Variants in CD163 observed in about 807,000 individuals in gnomAD.
CD163 encodes CD163 molecule.
A neutral mutation model predicts 129.2 loss-of-function variants in CD163; 64 were observed. The observed-to-expected ratio is 0.50, with a 90% CI of 0.41 to 0.61. CD163 has a LOEUF of 0.61. CD163 is among the 20% of genes least tolerant of loss of function. The pLI is 0.00. For missense variants in CD163, 1,061 were observed against 1,377.9 expected (o/e 0.77, Z 3.64); for synonymous variants, 446 against 478.5 (o/e 0.93, Z 0.89).
In CD163 at chr12:7,502,459, A is replaced by G. The variant is rs1949504508; in HGVS notation, c.133+19T>C. On this transcript the variant is annotated intron_variant, in intron 2 of 16. Coordinates refer to ENST00000432237, the MANE Select transcript of CD163 (RefSeq NM_203416.4). The stretch of plus-strand genomic sequence containing the variant: ...TCAGAGTGGGCTAAGGCTGTAAGTA[A>G]ATTTGACAAAGTACTCACCAAGAGA... 6 of 1,515,952 alleles carry G rather than the reference A, an allele frequency of 4.0e-6. No homozygotes were observed. Among genetic ancestry groups the G allele is most frequent in the Non-Finnish European group, 5.5e-6 (6 of 1,089,914 alleles). The allele number at this position is 1,515,952 out of a possible 1,614,324, so 93.9% of individuals were successfully genotyped here.
intron 6 of CD163, among the ~76,000 whole-genome samples, chr12:7,489,024 T>C (rs1157769825): frequency 6.6e-6 from 1 of 152,212 alleles, no homozygotes; most frequent in East Asian, 1.9e-4. Flanking sequence ...TAGGAGATAA[T>C]TGTTAATATC....
At chr12:7,499,714 G>A (rs921243050) in intron 3 of CD163, among the ~76,000 whole-genome samples, 16 of 152,118 alleles carry the variant, frequency 1.1e-4, no homozygotes, top group African/African-American at 3.9e-4. Flanking sequence ...TGCAGTAGAT[G>A]TTACTTTTGT....
chr12:7,486,458 T>G (rs76573683), intron 10 of CD163, 41 bp downstream of exon 10: 84,533 of 1,559,138 alleles, frequency 0.054, 2,613 homozygotes, highest in African/African-American at 0.085. Flanking sequence ...CTCAGTCCTT[T>G]CTCTATGTAA....
chr12:7,498,284 G>A (rs974671077), intron 4 of CD163, among the ~76,000 whole-genome samples: 3 of 151,912 alleles, frequency 2.0e-5, no homozygotes, highest in Non-Finnish European at 2.9e-5. Context: ...AACGAAGAGT[G>A]GTATCTCTGC....
At chr12:7,489,667 T>C (rs1329578067) in intron 6 of CD163, among the ~76,000 whole-genome samples, 1 of 152,088 alleles carries the variant, frequency 6.6e-6, no homozygotes, top group African/African-American at 2.4e-5. Flanking sequence ...TCATATTAGC[T>C]AACATGTATT....
Position 7,493,711 on chromosome 12 carries a change from A to C in CD163, c.1420+1370T>G, listed in dbSNP as rs867003352. Among the ~76,000 whole-genome samples, 28 of 152,310 alleles carry C rather than the reference A, an allele frequency of 1.8e-4. No homozygotes were observed. In the Middle Eastern group the frequency reaches 0.014, roughly 74 times the overall value. Reference sequence around the variant, plus strand: ...GAAATAAAACTTAAGATTCAACTCAAGAAGTTGGGGGCCAAAAAGAAATCA... The same window carrying C: ...GAAATAAAACTTAAGATTCAACTCACGAAGTTGGGGGCCAAAAAGAAATCA... On this transcript the variant is annotated intron_variant, in intron 6 of 16. Transcript: ENST00000432237.
At chr12:7,475,594 T>C (rs1949076475) in intron 16 of CD163, among the ~76,000 whole-genome samples, 1 of 152,128 alleles carries the variant, frequency 6.6e-6, no homozygotes, top group African/African-American at 2.4e-5. Flanking sequence ...TATCTCAAAA[T>C]AATAAGAGCT....
chr12:7,482,886 G>A lies in CD163; in HGVS notation c.3127+80C>T, dbSNP rs371222593. On this transcript the variant is annotated intron_variant, in intron 13 of 16. Coordinates refer to ENST00000432237, the MANE Select transcript of CD163 (RefSeq NM_203416.4). ...GAGGTAAATATCAAATCCTCAGAAC[G>A]TCTGACCTAAAATTTCTAAACAAGA... The A allele has an allele frequency of 9.2e-5, 146 of 1,583,808 alleles. 2 individuals are homozygous for A. The highest frequency in any genetic ancestry group is 3.8e-4 in the South Asian group (34 of 88,438).
At chr12:7,480,035 C>A in intron 15 of CD163, 122 bp from the exon 16 acceptor site, 6 of 1,588,772 alleles carry the variant, frequency 3.8e-6, no homozygotes, top group Non-Finnish European at 5.1e-6. Context: ...ATAAACCAGA[C>A]CTCTTCTCAC....
chr12:7,494,121 T>C (rs765678946), intron 6 of CD163, among the ~76,000 whole-genome samples: 3 of 152,204 alleles, frequency 2.0e-5, no homozygotes, highest in Non-Finnish European at 4.4e-5. Flanking sequence ...ACATGAAATA[T>C]CTCAAATAAT....
chr12:7,488,109 A>G (rs1221318211), intron 6 of CD163, 22 bp from the exon 7 acceptor site: 1 of 1,562,772 alleles, frequency 6.4e-7, no homozygotes, highest in South Asian at 1.2e-5. Flanking sequence ...ATATTATTTC[A>G]GTGAGAGGTA....
At chr12:7,503,576 TCCATTGACTGTCATAATAATTACATA>T (rs1949522490) in intron 1 of CD163, 43 bp downstream of exon 1, 1 of 1,032,558 alleles carries the variant, frequency 9.7e-7, no homozygotes, top group Admixed American at 2.0e-5. Context: ...TTAAATCACA[TCCATTGACTGTCATAATAATTACATA>T]CCCCATTAAA....
intron 16 of CD163, among the ~76,000 whole-genome samples, chr12:7,477,851 A>C (rs1949109176): frequency 6.6e-6 from 1 of 152,196 alleles, no homozygotes. Flanking sequence ...AAAGTAGTTC[A>C]ATTATCATTT....
Position 7,501,294 on chromosome 12 carries a change from G to C in CD163, c.302C>G (p.Pro101Arg), listed in dbSNP as rs1949485003. 6.2e-7 allele frequency: 1 copy of C among 1,614,054 alleles called. No homozygotes were observed. Among genetic ancestry groups the C allele is most frequent in the Non-Finnish European group, 8.5e-7 (1 of 1,180,032 alleles). ...ACCTGCACTGGAATTAGCCCATCCA[G>C]GGGCTTTGATAGCAGTTGGACATCC... is the stretch of plus-strand genomic sequence containing the variant. ...QLGCPTAIKA[P>R]GWANSSAGSG... Residue 101 changes from proline to arginine, a missense_variant, in exon 3 of 17, where the codon CCT becomes CGT. Coordinates refer to ENST00000432237, the MANE Select transcript of CD163 (RefSeq NM_203416.4).
chr12:7,503,011 A>G (rs761965539), intron 1 of CD163, among the ~76,000 whole-genome samples: 2 of 152,184 alleles, frequency 1.3e-5, no homozygotes, highest in African/African-American at 4.8e-5. Context: ...TTCCATGAGT[A>G]AACGAATTAT....
At chr12:7,494,155 G>A (rs1372332015) in intron 6 of CD163, among the ~76,000 whole-genome samples, 1 of 152,140 alleles carries the variant, frequency 6.6e-6, no homozygotes, top group East Asian at 1.9e-4. Context: ...AACCACATAA[G>A]TTGTCTGTGA....
Position 7,494,437 on chromosome 12 carries a change from A to G in CD163, c.1420+644T>C, listed in dbSNP as rs769857728. Among the ~76,000 whole-genome samples the G allele has an allele frequency of 8.3e-4, 126 of 152,328 alleles. 1 individual carries two copies. Among genetic ancestry groups the G allele is most frequent in the African/African-American group, 3.0e-3 (124 of 41,568 alleles). ...TATTGTTGGTTAGAGGACATGCAGC[A>G]CGTACAAGTTTCCATTCTGTGAGGT... On this transcript the variant is annotated intron_variant, in intron 6 of 16. Transcript: ENST00000432237.
At chr12:7,479,571 AATG>A (rs575177843) in intron 16 of CD163, among the ~76,000 whole-genome samples, 7 of 152,082 alleles carry the variant, frequency 4.6e-5, no homozygotes, top group Non-Finnish European at 8.8e-5. Context: ...TTTTTCCTGA[AATG>A]ATACCTGTAA....
intron 15 of CD163, 157 bp from the exon 16 acceptor site, chr12:7,480,070 C>G: frequency 7.3e-7 from 1 of 1,368,330 alleles, no homozygotes; most frequent in Non-Finnish European, 1.0e-6. Context: ...CTTTGAGCAA[C>G]TAAAAACACC....
Sources: gnomAD v4.1 joint callset for allele counts (sites outside exome capture counted in the v4.1 genomes callset) on GRCh38, gnomAD v4.1.1 for gene constraint, MANE v1.5 for transcripts, NCBI Gene and HGNC (gene_info 2026-07-23, HGNC 2026-07-21) for gene names.